The following MMP16 variants were observed in gnomAD, a reference collection of about 807,000 sequenced individuals.
MMP16 encodes the protein matrix metalloproteinase-16.
Under a neutral mutation model 67.8 loss-of-function variants are expected in MMP16, and 12 were observed. That is an observed-to-expected ratio of 0.18 (90% CI 0.11 to 0.29). The LOEUF is 0.29. MMP16 is among the 10% of genes least tolerant of loss of function. MMP16 has a pLI of 1.00. For missense variants in MMP16, 475 were observed against 765.7 expected (o/e 0.62, Z 4.48); for synonymous variants, 249 against 255.9 (o/e 0.97, Z 0.26).
At chr8:88,083,008 T>C (rs189880724) in intron 6 of MMP16, among the ~76,000 whole-genome samples, 1 of 152,126 alleles carries the variant, frequency 6.6e-6, no homozygotes, top group African/African-American at 2.4e-5. Flanking sequence ...CAAATAAATA[T>C]TAATCTTCAT....
At chr8:88,111,018 A>G (rs904683778) in intron 6 of MMP16, among the ~76,000 whole-genome samples, 2 of 151,654 alleles carry the variant, frequency 1.3e-5, no homozygotes, top group African/African-American at 4.8e-5. Context: ...GCAATTCAGC[A>G]TAGAATCAGA....
chr8:88,288,145 C>G (rs1277620699), intron 1 of MMP16, among the ~76,000 whole-genome samples: 2 of 152,152 alleles, frequency 1.3e-5, no homozygotes, highest in African/African-American at 4.8e-5. Context: ...ATAAAGGGTC[C>G]TCTTGTACTT....
intron 4 of MMP16, among the ~76,000 whole-genome samples, chr8:88,139,041 C>T (rs1440245095): frequency 1.3e-5 from 2 of 152,054 alleles, no homozygotes; most frequent in African/African-American, 2.4e-5. Flanking sequence ...AAATGTTTTT[C>T]TGCTAAATTA....
At chr8:88,133,355 A>G (rs1464503044) in intron 4 of MMP16, among the ~76,000 whole-genome samples, 1 of 151,884 alleles carries the variant, frequency 6.6e-6, no homozygotes, top group Non-Finnish European at 1.5e-5. Context: ...TGTTCTCCCA[A>G]TAATCAGGCA....
At chr8:88,175,867 T>C (rs2129724439) in intron 3 of MMP16, among the ~76,000 whole-genome samples, 1 of 152,316 alleles carries the variant, frequency 6.6e-6, no homozygotes, top group Admixed American at 6.5e-5. Context: ...GATGGTTTTA[T>C]AAAGGATTGT....
intron 1 of MMP16, among the ~76,000 whole-genome samples, chr8:88,285,617 C>T (rs1810818065): frequency 6.6e-6 from 1 of 152,152 alleles, no homozygotes; most frequent in South Asian, 2.1e-4. Flanking sequence ...CCCCTTCTTG[C>T]CTTACTGAAG....
intron 7 of MMP16, among the ~76,000 whole-genome samples, chr8:88,073,196 T>C (rs1297144191): frequency 6.6e-6 from 1 of 152,150 alleles, no homozygotes; most frequent in African/African-American, 2.4e-5. Flanking sequence ...CCCTCCAATA[T>C]CATGTCACTA....
At position 88,327,264 on chromosome 8, in the gene MMP16, C is replaced by T. The variant is rs1811555875; in HGVS notation, c.-58G>A. The stretch of plus-strand genomic sequence containing the variant: ...CCCTTCGTTTTCTCCCTCTCTCCCT[C>T]TCCCTCCCTCCCTCGTTTCCTTTCA... On this transcript the variant is annotated 5_prime_UTR_variant, in exon 1 of 10. Coordinates refer to ENST00000286614, the MANE Select transcript of MMP16 (RefSeq NM_005941.5). 6.3e-7 allele frequency: 1 copy of T among 1,596,134 alleles called. No homozygotes were observed. The highest frequency in any genetic ancestry group is 1.7e-5 in the Admixed American group (1 of 59,602).
chr8:88,069,058 A>T (rs896248359), intron 7 of MMP16, among the ~76,000 whole-genome samples: 1 of 152,062 alleles, frequency 6.6e-6, no homozygotes, highest in Non-Finnish European at 1.5e-5. Context: ...TTGTATCTGT[A>T]TATATGAATT....
At chr8:88,070,095 T>C (rs892340686) in intron 7 of MMP16, among the ~76,000 whole-genome samples, 2 of 152,166 alleles carry the variant, frequency 1.3e-5, no homozygotes, top group African/African-American at 2.4e-5. Flanking sequence ...ATCTAAAATA[T>C]TTTTATTTAT....
chr8:88,235,568 T>A (rs1390735595), intron 1 of MMP16, among the ~76,000 whole-genome samples: 1 of 152,156 alleles, frequency 6.6e-6, no homozygotes. Context: ...GTAGTAATCC[T>A]AGTAGATCCT....
chr8:88,056,156 C>T lies in MMP16; in HGVS notation c.1345G>A (p.Gly449Arg), dbSNP rs1247506929. 5.0e-6 allele frequency: 8 copies of T among 1,587,618 alleles called. No homozygotes were observed. The highest frequency in any genetic ancestry group is 1.1e-5 in the South Asian group (1 of 87,262). Reference sequence around the variant, plus strand: ...TCTCCCTTGAAGAAATAGGTTTTCCCGACGTCCTCCCACCAAATGGCTGAA... The same window carrying T: ...TCTCCCTTGAAGAAATAGGTTTTCCTGACGTCCTCCCACCAAATGGCTGAA... The part of the protein sequence containing the change: ...IDSAIWWEDV[G>R]KTYFFKGDRY... Residue 449 changes from glycine to arginine, a missense_variant, in exon 8 of 10, where the codon GGG (glycine) becomes AGG (arginine). This residue lies in a region of MMP16 where 195 missense variants were observed against 300.9 expected (regional missense o/e 0.65). Coordinates refer to ENST00000286614, the MANE Select transcript of MMP16 (RefSeq NM_005941.5).
intron 2 of MMP16, among the ~76,000 whole-genome samples, chr8:88,187,655 T>A (rs1370228494): frequency 6.6e-6 from 1 of 152,228 alleles, no homozygotes; most frequent in African/African-American, 2.4e-5. Context: ...AATTTGCATG[T>A]GAAGTAATTT....
chr8:88,270,899 A>G (rs1810553342), intron 1 of MMP16, among the ~76,000 whole-genome samples: 1 of 152,242 alleles, frequency 6.6e-6, no homozygotes, highest in South Asian at 2.1e-4. Flanking sequence ...CAAGTTCCAG[A>G]CATTCCAGCA....
intron 4 of MMP16, among the ~76,000 whole-genome samples, chr8:88,155,227 A>G (rs1256865760): frequency 1.3e-5 from 2 of 152,110 alleles, no homozygotes; most frequent in Admixed American, 1.3e-4. Context: ...TATAAGGAAT[A>G]CTTTAAAACT....
chr8:88,197,457 A>G, intron 1 of MMP16, 151 bp from the exon 2 acceptor site: 6 of 575,642 alleles, frequency 1.0e-5, no homozygotes, highest in Non-Finnish European at 8.1e-6. Context: ...TAATATATAT[A>G]TTATGTAGGT....
At chr8:88,224,839 C>T (rs1164226991) in intron 1 of MMP16, among the ~76,000 whole-genome samples, 1 of 151,910 alleles carries the variant, frequency 6.6e-6, no homozygotes. Context: ...GAAAAATCAA[C>T]AATAGGATTA....
chr8:88,069,433 C>G (rs1247794610), intron 7 of MMP16: 1 of 531,202 alleles, frequency 1.9e-6, no homozygotes, highest in African/African-American at 1.9e-5. Context: ...CTTGAGAGCA[C>G]AGGCACTGAC....
intron 6 of MMP16, among the ~76,000 whole-genome samples, chr8:88,108,443 T>A (rs1809279938): frequency 1.3e-5 from 2 of 151,384 alleles, no homozygotes; most frequent in South Asian, 4.1e-4. Context: ...CCAGCCATAG[T>A]AAGGACACTA....
Sources: gnomAD v4.1 joint callset for allele counts (sites outside exome capture counted in the v4.1 genomes callset) on GRCh38, gnomAD v4.1.1 for gene constraint, gnomAD v4.1.1 regional missense constraint, MANE v1.5 for transcripts, NCBI Gene and HGNC (gene_info 2026-07-23, HGNC 2026-07-21) for gene names.